Variants in CCAR1 observed in about 807,000 individuals in gnomAD.
CCAR1 encodes the protein cell division cycle and apoptosis regulator protein 1.
A neutral mutation model predicts 163.8 loss-of-function variants in CCAR1; 78 were observed. The observed-to-expected ratio is 0.48, with a 90% CI of 0.40 to 0.57. CCAR1 has a LOEUF of 0.57. Ranked by LOEUF, CCAR1 falls within the 20% of genes least tolerant of loss-of-function variation. CCAR1 has a pLI of 0.00. For missense variants in CCAR1, 1,019 were observed against 1,365.2 expected, an observed-to-expected ratio of 0.75 and a Z score of 4.00; for synonymous variants, 443 against 460.7, an observed-to-expected ratio of 0.96 and a Z score of 0.49.
intron 5 of CCAR1, among the ~76,000 whole-genome samples, chr10:68,742,119 ATACTT>A (rs2056191399): frequency 1.3e-5 from 2 of 152,220 alleles, no homozygotes; most frequent in South Asian, 2.1e-4. Flanking sequence ...TTCCTTTACT[ATACTT>A]AGGACTTTCC....
chr10:68,738,134 G>T (rs2056136074), intron 4 of CCAR1, among the ~76,000 whole-genome samples: 1 of 152,222 alleles, frequency 6.6e-6, no homozygotes, highest in African/African-American at 2.4e-5. Flanking sequence ...GTATGAGGAG[G>T]CTGGGCGCAG....
Position 68,753,839 on chromosome 10 carries a change from G to A in CCAR1, c.1119-13G>A, listed in dbSNP as rs202178809. The A allele has an allele frequency of 1.3e-6, 2 of 1,570,460 alleles. No individual in the cohort carries two copies. Among genetic ancestry groups the A allele is most frequent in the African/African-American group, 1.4e-5 (1 of 73,912 alleles). On this transcript the variant is annotated splice_polypyrimidine_tract_variant and intron_variant, in intron 10 of 24. Transcript: ENST00000265872. ...TTAAGGCTATTTATTCACTACTTAT[G>A]TCTGTTTTTCAGTCCCAGTTGTGAC...
intron 16 of CCAR1, among the ~76,000 whole-genome samples, chr10:68,764,539 CAAAA>C (rs959153999): frequency 7.1e-6 from 1 of 141,694 alleles, no homozygotes; most frequent in African/African-American, 2.6e-5. Context: ...TGTCTCAAAA[CAAAA>C]AAAAAAAAGT....
intron 2 of CCAR1, among the ~76,000 whole-genome samples, chr10:68,730,985 G>A (rs1229886544): frequency 3.3e-5 from 5 of 152,128 alleles, no homozygotes; most frequent in Non-Finnish European, 7.4e-5. Context: ...GAGCCACTGT[G>A]CCTGGCCTAA....
intron 23 of CCAR1, among the ~76,000 whole-genome samples, chr10:68,789,361 G>A (rs1243931566): frequency 6.6e-5 from 10 of 151,766 alleles, no homozygotes; most frequent in Admixed American, 6.6e-4. Context: ...GGAGGCCGAG[G>A]CAGGCAGATT....
chr10:68,774,391 A>C (rs1273442417), intron 19 of CCAR1, among the ~76,000 whole-genome samples: 1 of 152,042 alleles, frequency 6.6e-6, no homozygotes, highest in African/African-American at 2.4e-5. Context: ...TAATCTCAGC[A>C]CTTTGGGAGG....
intron 19 of CCAR1, among the ~76,000 whole-genome samples, chr10:68,783,067 AT>A (rs2056755453): frequency 6.9e-6 from 1 of 144,936 alleles, no homozygotes; most frequent in Non-Finnish European, 1.5e-5. Context: ...CAGTGGCGTG[AT>A]CATGGCTCAA....
At chr10:68,737,965 T>C in intron 4 of CCAR1, 76 bp downstream of exon 4, 1 of 971,810 alleles carries the variant, frequency 1.0e-6, no homozygotes, top group Non-Finnish European at 1.6e-6. Context: ...ATAGAGAGTT[T>C]TATTTCTATC....
intron 10 of CCAR1, among the ~76,000 whole-genome samples, chr10:68,752,938 A>T (rs79193446): frequency 3.5e-3 from 491 of 138,564 alleles, no homozygotes; most frequent in African/African-American, 6.0e-3. Context: ...ATAGATAGAT[A>T]GATTCTGTCT....
intron 23 of CCAR1, among the ~76,000 whole-genome samples, chr10:68,788,560 C>A (rs1448937309): frequency 6.6e-6 from 1 of 152,084 alleles, no homozygotes; most frequent in Non-Finnish European, 1.5e-5. Context: ...TCTCAACTTA[C>A]TGCAACCACT....
chr10:68,786,746 C>T (rs2056799505), intron 21 of CCAR1, 54 bp downstream of exon 21: 2 of 1,464,984 alleles, frequency 1.4e-6, no homozygotes, highest in Admixed American at 4.5e-5. Context: ...AGTTACCTTT[C>T]CAGTGAAAAG....
intron 17 of CCAR1, among the ~76,000 whole-genome samples, chr10:68,769,316 T>C (rs1375041182): frequency 6.6e-6 from 1 of 152,162 alleles, no homozygotes; most frequent in Non-Finnish European, 1.5e-5. Context: ...CAATGGACTT[T>C]AGCCTTAGAA....
intron 16 of CCAR1, among the ~76,000 whole-genome samples, chr10:68,765,562 TCTAAAAC>T (rs1384662312): frequency 6.6e-6 from 1 of 152,152 alleles, no homozygotes; most frequent in Non-Finnish European, 1.5e-5. Context: ...TTCAGGAAGA[TCTAAAAC>T]CTATGCTACC....
chr10:68,723,437 G>GT (rs1177468212), intron 2 of CCAR1, among the ~76,000 whole-genome samples: 1 of 151,920 alleles, frequency 6.6e-6, no homozygotes, highest in South Asian at 2.1e-4. Flanking sequence ...CAGTTTTGTA[G>GT]TTTTTTAATA....
intron 2 of CCAR1, among the ~76,000 whole-genome samples, chr10:68,723,545 G>A (rs1009411077): frequency 2.6e-5 from 4 of 151,882 alleles, no homozygotes; most frequent in Non-Finnish European, 4.4e-5. Flanking sequence ...CAGTATTAAT[G>A]AGTTATGTTT....
At chr10:68,749,307 TACA>T in intron 9 of CCAR1, 42 bp downstream of exon 9, 1 of 1,551,556 alleles carries the variant, frequency 6.4e-7, no homozygotes, top group Non-Finnish European at 8.7e-7. Flanking sequence ...GCAATGGTTG[TACA>T]ACAATGGAAA....
At chr10:68,749,383 A>T (rs969111162) in intron 9 of CCAR1, 118 bp downstream of exon 9, 2 of 1,284,514 alleles carry the variant, frequency 1.6e-6, no homozygotes, top group South Asian at 3.3e-5. Context: ...ATTTTATGTT[A>T]TGTCTATTTT....
At chr10:68,747,065 GTTTAC>G (rs1564535763) in intron 6 of CCAR1, 91 bp from the exon 7 acceptor site, 17 of 616,634 alleles carry the variant, frequency 2.8e-5, no homozygotes, top group Middle Eastern at 4.4e-4. Flanking sequence ...TTGAGATATG[GTTTAC>G]TTTAAAGTAC....
At position 68,775,151 on chromosome 10, in the gene CCAR1, C is replaced by A. The variant is rs536529653; in HGVS notation, c.2650+2052C>A. The A allele has an allele frequency of 3.5e-5, 7 of 200,964 alleles. No individual in the cohort carries two copies. The South Asian group carries it at 4.9e-4, about 14-fold the overall frequency. The allele number at this position is 200,964 out of a possible 1,614,324, so 12.4% of individuals were successfully genotyped here. A position where few individuals can be genotyped will look rare whatever the true frequency, so the allele number is the denominator to read the frequency against. ...ATTTGTCTTGTTTTGTTTTTGTAAC[C>A]CAGTTTAACATATGAATTCTTCAGT... On this transcript the variant is annotated intron_variant, in intron 19 of 24. Coordinates refer to ENST00000265872, the MANE Select transcript of CCAR1 (RefSeq NM_018237.4).
Sources: gnomAD v4.1 joint callset for allele counts (sites outside exome capture counted in the v4.1 genomes callset) on GRCh38, gnomAD v4.1.1 for gene constraint, MANE v1.5 for transcripts, NCBI Gene and HGNC (gene_info 2026-07-23, HGNC 2026-07-21) for gene names.